Variants in ZNF420 observed in about 807,000 individuals in gnomAD.
ZNF420 encodes ATM and p53-associated KZNF protein.
In ZNF420, 31 loss-of-function variants were observed where a neutral mutation model predicts 44.7. The observed-to-expected ratio is 0.69, with a 90% confidence interval of 0.52 to 0.94. The LOEUF (loss-of-function observed/expected upper bound fraction) is 0.94. Ranked by LOEUF, ZNF420 falls within the 40% of genes least tolerant of loss-of-function variation. ZNF420 has a pLI of 0.00. For missense variants in ZNF420, 681 were observed against 827.9 expected (o/e 0.82, Z 2.18); for synonymous variants, 245 against 267.4 (o/e 0.92, Z 0.82).
chr19:37,095,004 G>A (rs1599667752), intron 4 of ZNF420, among the ~76,000 whole-genome samples: 1 of 152,106 alleles, frequency 6.6e-6, no homozygotes, highest in East Asian at 1.9e-4. Flanking sequence ...GGTGGCACAT[G>A]CCTGTAATCC....
In ZNF420 at chr19:37,128,436, A is replaced by C. The variant is rs1358213293; in HGVS notation, c.1445A>C (p.Lys482Thr). Residue 482 changes from lysine to threonine, a missense_variant, in exon 5 of 5, where the codon AAA becomes ACA. Physicochemically the swap from Lys to Thr is moderately conservative, Grantham distance 78. Around this residue, in one of 3 missense-constraint regions of ZNF420, gnomAD observed 280 missense variants for 338.6 expected, o/e 0.83. Coordinates refer to ENST00000337995, the MANE Select transcript of ZNF420 (RefSeq NM_144689.5). ...EKPYECKECG[K>T]SFIRGSQLTQ... ...CCCTATGAATGTAAGGAATGTGGGA[A>C]ATCTTTTATTCGTGGTTCCCAGCTT... The C allele has an allele frequency of 1.2e-6, 2 of 1,613,996 alleles. No homozygotes were observed. The highest frequency in any genetic ancestry group is 8.5e-7 in the Non-Finnish European group (1 of 1,179,978).
At chr19:37,069,630 T>G (rs1198917868) in intron 1 of ZNF420, among the ~76,000 whole-genome samples, 1 of 152,100 alleles carries the variant, frequency 6.6e-6, no homozygotes, top group Non-Finnish European at 1.5e-5. Context: ...ATGTCTTAAT[T>G]TATTGAATAC....
rs563394067 is a variant in ZNF420 at position 37,090,443 on chromosome 19, A to T, written c.10-552A>T. On this transcript the variant is annotated intron_variant, in intron 3 of 4. Transcript: ENST00000337995. Reference sequence around the variant, plus strand: ...AGGATCACTTAAGCCTAGGAGTTGGAGGCTGCAGTGAGCTATGATGGTGCC... The same window carrying T: ...AGGATCACTTAAGCCTAGGAGTTGGTGGCTGCAGTGAGCTATGATGGTGCC... Among the ~76,000 whole-genome samples the T allele has an allele frequency of 2.0e-5, 3 of 152,272 alleles. No homozygotes were observed. The South Asian group carries it at 6.2e-4, about 32-fold the overall frequency.
rs116214574 is a variant in ZNF420, at chr19:37,019,209, G to A, written c.-125+11127G>A. On this transcript the variant is annotated intron_variant, in intron 1 of 4. Coordinates refer to the ZNF420 transcript ENST00000587029. Reference sequence around the variant, plus strand: ...CTGCCACAGACTTCAGAGACTTCACGTCTCTACTAAAAATACAAAAATTAT... The same window carrying A: ...CTGCCACAGACTTCAGAGACTTCACATCTCTACTAAAAATACAAAAATTAT... Among the ~76,000 whole-genome samples, 651 of 152,194 alleles carry A rather than the reference G, an allele frequency of 4.3e-3. 5 individuals carry two copies. Among genetic ancestry groups the A allele is most frequent in the African/African-American group, 0.015 (617 of 41,528 alleles).
intron 2 of ZNF420, among the ~76,000 whole-genome samples, chr19:37,088,171 A>G (rs1968939078): frequency 6.6e-6 from 1 of 152,230 alleles, no homozygotes. Context: ...GGTAGACAGT[A>G]GTTTGCCAAG....
At chr19:37,028,370 A>G (rs375658012) in intron 1 of ZNF420, among the ~76,000 whole-genome samples, 1 of 152,194 alleles carries the variant, frequency 6.6e-6, no homozygotes, top group South Asian at 2.1e-4. Flanking sequence ...TTTTGATTGG[A>G]AACAGAATAA....
At chr19:37,034,134 G>A (rs1967312134) in intron 1 of ZNF420, among the ~76,000 whole-genome samples, 1 of 151,848 alleles carries the variant, frequency 6.6e-6, no homozygotes, top group Non-Finnish European at 1.5e-5. Flanking sequence ...GAATCCACTG[G>A]AAAGGCACAA....
At position 37,018,768 on chromosome 19, in the gene ZNF420, C is replaced by T. The variant is rs1334996856; in HGVS notation, c.-125+10686C>T. On this transcript the variant is annotated intron_variant, in intron 1 of 4. Transcript: ENST00000587029. ...TATTTTTAGTAGAGGCGGGGTTTCA[C>T]CATGTTGGCCAGGCTGGTCTCGAAC... 3.3e-5 allele frequency among the ~76,000 whole-genome samples: 5 copies of T among 152,170 alleles called. No homozygotes were observed. In the East Asian group the frequency reaches 9.6e-4, roughly 29 times the overall value.
intron 4 of ZNF420, among the ~76,000 whole-genome samples, chr19:37,107,964 T>C (rs1970187311): frequency 1.3e-5 from 2 of 152,138 alleles, no homozygotes; most frequent in Admixed American, 6.6e-5. Flanking sequence ...CATTATAAAC[T>C]CCAGGTGTAA....
intron 1 of ZNF420, among the ~76,000 whole-genome samples, chr19:37,063,888 T>C (rs1967921940): frequency 6.6e-6 from 1 of 152,230 alleles, no homozygotes; most frequent in Admixed American, 6.5e-5. Flanking sequence ...AAATTTAGAA[T>C]CATGCATTGC....
chr19:37,104,413 CTT>C, intron 4 of ZNF420, among the ~76,000 whole-genome samples: 1 of 152,206 alleles, frequency 6.6e-6, no homozygotes, highest in East Asian at 1.9e-4. Flanking sequence ...GGTTCCAAGT[CTT>C]TGCTATTGTG....
chr19:37,031,515 A>C (rs1967255897), intron 1 of ZNF420, among the ~76,000 whole-genome samples: 1 of 150,944 alleles, frequency 6.6e-6, no homozygotes, highest in African/African-American at 2.4e-5. Context: ...TCTTTTCTTT[A>C]TTTTTTTGGA....
intron 4 of ZNF420, among the ~76,000 whole-genome samples, chr19:37,120,625 G>A (rs1313519312): frequency 2.0e-5 from 3 of 152,228 alleles, no homozygotes; most frequent in African/African-American, 7.2e-5. Context: ...TCTGGCCAGG[G>A]CAATTAGGCA....
At chr19:37,118,574 T>C (rs1172859066) in intron 4 of ZNF420, among the ~76,000 whole-genome samples, 1 of 152,012 alleles carries the variant, frequency 6.6e-6, no homozygotes, top group Non-Finnish European at 1.5e-5. Context: ...ATGAGCAAAA[T>C]AACCAGCTAA....
At chr19:37,039,732 A>G (rs1385123016) in intron 1 of ZNF420, among the ~76,000 whole-genome samples, 1 of 146,856 alleles carries the variant, frequency 6.8e-6, no homozygotes, top group African/African-American at 2.5e-5. Context: ...ATACGGTCTC[A>G]CTCTGTTGCC....
chr19:37,087,924 C>A (rs1046122534), intron 2 of ZNF420, among the ~76,000 whole-genome samples: 1 of 152,160 alleles, frequency 6.6e-6, no homozygotes, highest in Non-Finnish European at 1.5e-5. Context: ...GGATTACAGG[C>A]GTGAGCCACT....
At chr19:37,125,711 T>G (rs1971307534) in intron 4 of ZNF420, among the ~76,000 whole-genome samples, 2 of 152,222 alleles carry the variant, frequency 1.3e-5, no homozygotes, top group Admixed American at 6.5e-5. Context: ...GTTATAAGGT[T>G]TCAGTCCTTG....
At chr19:37,019,201 G>T (rs78176294) in intron 1 of ZNF420, among the ~76,000 whole-genome samples, 4 of 152,136 alleles carry the variant, frequency 2.6e-5, no homozygotes, top group African/African-American at 9.7e-5. Flanking sequence ...AGACTTCAGA[G>T]ACTTCACGTC....
intron 4 of ZNF420, among the ~76,000 whole-genome samples, chr19:37,102,433 C>T (rs1969831121): frequency 6.6e-6 from 1 of 152,314 alleles, no homozygotes; most frequent in South Asian, 2.1e-4. Context: ...GGACTGTTGT[C>T]AGCAGGCATA....
Sources: allele counts gnomAD v4.1 joint callset (sites outside exome capture counted in the v4.1 genomes callset), GRCh38; gene constraint gnomAD v4.1.1; regional missense constraint gnomAD v4.1.1; transcripts MANE v1.5; gene names NCBI Gene and HGNC (gene_info 2026-07-23, HGNC 2026-07-21).